The following PANX1 variants were observed in gnomAD, a reference collection of about 807,000 sequenced individuals.
PANX1 encodes pannexin 1, also known as pannexin-1.
PANX1 carries 30 observed loss-of-function variants against 38.7 expected under a neutral mutation model. The observed-to-expected ratio is 0.78, with a 90% CI of 0.58 to 1.05. The LOEUF is 1.05. PANX1 is among the 50% of genes least tolerant of loss of function. PANX1 has a pLI of 0.00. For missense variants in PANX1, 551 were observed against 517.2 expected (o/e 1.07, Z -0.63); for synonymous variants, 230 against 212.2 (o/e 1.08, Z -0.73).
intron 2 of PANX1, chr11:94,175,753 A>G (rs1947225472): frequency 2.0e-6 from 2 of 984,776 alleles, no homozygotes; most frequent in South Asian, 4.7e-5. Context: ...ACAGCCAGCT[A>G]TGAATTATGC....
Position 94,179,893 on chromosome 11 carries a change from T to G in PANX1, c.837T>G (p.Ile279Met). 6.2e-7 allele frequency: 1 copy of G among 1,614,032 alleles called. No individual in the cohort carries two copies. The highest frequency in any genetic ancestry group is 1.1e-5 in the South Asian group (1 of 91,050). The change falls in exon 4 of 5, where the codon ATT becomes ATG. Residue 279 changes from isoleucine (I) to methionine (M), a missense_variant. Physicochemically the swap from Ile to Met is conservative, Grantham distance 10 (BLOSUM62 1). Transcript: ENST00000227638. ...GCATCTTCCAGTTGCTCAGTGTCAT[T>G]AACCTTGTGGTTTATGTCCTGCTGG... ...AVGIFQLLSV[I>M]NLVVYVLLAP... is the part of the protein sequence containing the mutation.
chr11:94,140,589 T>C (rs566864643), intron 1 of PANX1, among the ~76,000 whole-genome samples: 8 of 152,374 alleles, frequency 5.3e-5, no homozygotes, highest in Admixed American at 1.3e-4. Flanking sequence ...GTTTATGGGC[T>C]AGTATGTTCA....
intron 2 of PANX1, among the ~76,000 whole-genome samples, chr11:94,168,090 A>C (rs1947122835): frequency 6.6e-6 from 1 of 151,242 alleles, no homozygotes; most frequent in South Asian, 2.1e-4. Flanking sequence ...AGATGATTAG[A>C]CAATTTCTTC....
At chr11:94,150,769 C>G (rs1210495186) in intron 1 of PANX1, among the ~76,000 whole-genome samples, 1 of 152,154 alleles carries the variant, frequency 6.6e-6, no homozygotes, top group Non-Finnish European at 1.5e-5. Context: ...TGGGAATACC[C>G]AATACCTGGG....
chr11:94,144,351 T>C (rs1021972572), intron 1 of PANX1, among the ~76,000 whole-genome samples: 1 of 152,110 alleles, frequency 6.6e-6, no homozygotes, highest in African/African-American at 2.4e-5. Context: ...CTCTCACATG[T>C]CACATTCCTG....
At chr11:94,141,620 AGTT>A (rs1173654553) in intron 1 of PANX1, among the ~76,000 whole-genome samples, 3 of 152,226 alleles carry the variant, frequency 2.0e-5, no homozygotes, top group East Asian at 3.9e-4. Context: ...AAAAAACCCT[AGTT>A]GTTTCACTTC....
At chr11:94,137,011 G>C (rs772227292) in intron 1 of PANX1, among the ~76,000 whole-genome samples, 6 of 151,734 alleles carry the variant, frequency 4.0e-5, no homozygotes, top group Non-Finnish European at 8.8e-5. Context: ...AAGAGAGAAT[G>C]GGGGGAGGTG....
chr11:94,147,959 C>T (rs1370375665), intron 1 of PANX1, among the ~76,000 whole-genome samples: 1 of 151,998 alleles, frequency 6.6e-6, no homozygotes, highest in Non-Finnish European at 1.5e-5. Flanking sequence ...TGATGATGCT[C>T]AGCTTTAGTT....
In PANX1 at chr11:94,153,473, A is replaced by G. The variant is rs754930611; in HGVS notation, c.182-18A>G. The G allele has an allele frequency of 1.9e-6, 3 of 1,613,010 alleles. No homozygotes were observed. Among genetic ancestry groups the G allele is most frequent in the Non-Finnish European group, 1.7e-6 (2 of 1,179,426 alleles). On this transcript the variant is annotated intron_variant, in intron 1 of 4. Coordinates refer to ENST00000227638, the MANE Select transcript of PANX1 (RefSeq NM_015368.4). ...GTAAGCTGTGTTTTCATTGGAAACT[A>G]TCTGTTTTGCTTCTTAGGTACACAG...
intron 1 of PANX1, among the ~76,000 whole-genome samples, chr11:94,148,363 A>G (rs887138840): frequency 2.6e-5 from 4 of 152,224 alleles, no homozygotes; most frequent in South Asian, 2.1e-4. Flanking sequence ...GTTGAGAACT[A>G]TAAGTATTGG....
At chr11:94,132,712 T>A (rs1406498408) in intron 1 of PANX1, among the ~76,000 whole-genome samples, 2 of 152,240 alleles carry the variant, frequency 1.3e-5, no homozygotes, top group Non-Finnish European at 2.9e-5. Context: ...TCTCTTTTGA[T>A]ATAAAATCCC....
At chr11:94,165,764 G>A (rs1293901690) in intron 2 of PANX1, among the ~76,000 whole-genome samples, 1 of 152,094 alleles carries the variant, frequency 6.6e-6, no homozygotes, top group Non-Finnish European at 1.5e-5. Context: ...TACAAAATTA[G>A]CCAGGCATGG....
rs1411185936 is a variant in PANX1, at chr11:94,178,555, T to A, written c.508T>A (p.Cys170Ser). 6.2e-7 allele frequency: 1 copy of A among 1,613,966 alleles called. No individual in the cohort carries two copies. The highest frequency in any genetic ancestry group is 8.5e-7 in the Non-Finnish European group (1 of 1,179,968). ...TGACCTTGACATGAGAGATGGAGCC[T>A]GCTCAGTTCCAGGTGTTACCGAGAA... ...ARDLDMRDGA[C>S]SVPGVTENLG... The change falls in exon 3 of 5, where the codon TGC becomes AGC. Residue 170 changes from cysteine (C) to serine (S), a missense_variant. By Grantham distance (112) the Cys-to-Ser change is moderately radical (BLOSUM62 -1). Coordinates refer to ENST00000227638, the MANE Select transcript of PANX1 (RefSeq NM_015368.4).
intron 1 of PANX1, among the ~76,000 whole-genome samples, chr11:94,133,843 T>G (rs544366523): frequency 2.4e-4 from 37 of 152,258 alleles, no homozygotes; most frequent in South Asian, 6.2e-4. Context: ...CCATAGGAAT[T>G]TAGTGAAGGA....
In PANX1 at chr11:94,181,013, G is replaced by A. The variant is rs569611581; in HGVS notation, c.*144G>A. On this transcript the variant is annotated 3_prime_UTR_variant, in exon 5 of 5. Transcript: ENST00000227638. ...GAGCATGTCTTATTGAGTCCCTAAT[G>A]GAAATGGTGATCAACAAAAGGTTAT... is the stretch of plus-strand genomic sequence containing the variant. 4.6e-5 allele frequency: 28 copies of A among 614,406 alleles called. No homozygotes were observed. The highest frequency in any genetic ancestry group is 4.3e-4 in the South Asian group (22 of 51,192). 38.1% of individuals were successfully genotyped at this position (614,406 alleles called of 1,614,324 possible). A position where few individuals can be genotyped will look rare whatever the true frequency, so the allele number is the denominator to read the frequency against.
chr11:94,179,086 TA>T (rs1439375198), intron 3 of PANX1, among the ~76,000 whole-genome samples: 2 of 152,228 alleles, frequency 1.3e-5, no homozygotes, highest in Non-Finnish European at 2.9e-5. Context: ...GAATATTTAA[TA>T]TATCTCACAC....
chr11:94,147,180 G>C (rs1946837161), intron 1 of PANX1, among the ~76,000 whole-genome samples: 1 of 152,056 alleles, frequency 6.6e-6, no homozygotes, highest in African/African-American at 2.4e-5. Flanking sequence ...AAATAGATGA[G>C]GTAAATAGAG....
intron 1 of PANX1, among the ~76,000 whole-genome samples, chr11:94,135,967 G>A (rs1372999564): frequency 6.6e-6 from 1 of 152,094 alleles, no homozygotes; most frequent in Non-Finnish European, 1.5e-5. Flanking sequence ...CCATAGCTTA[G>A]AATATACTTA....
intron 1 of PANX1, among the ~76,000 whole-genome samples, chr11:94,148,969 C>T (rs529470121): frequency 6.6e-6 from 1 of 152,092 alleles, no homozygotes; most frequent in South Asian, 2.1e-4. Context: ...AGTTGATATC[C>T]CAGCTTCACA....
Sources: allele counts gnomAD v4.1 joint callset (sites outside exome capture counted in the v4.1 genomes callset), GRCh38; gene constraint gnomAD v4.1.1; transcripts MANE v1.5; gene names NCBI Gene and HGNC (gene_info 2026-07-23, HGNC 2026-07-21).